The following PRICKLE2 variants were observed in gnomAD, a reference collection of about 807,000 sequenced individuals.
PRICKLE2 encodes prickle-like protein 2.
Under a neutral mutation model 81.4 loss-of-function variants are expected in PRICKLE2, and 21 were observed. The observed-to-expected ratio is 0.26, with a 90% CI of 0.18 to 0.37. PRICKLE2 has a LOEUF of 0.37. PRICKLE2 is among the 10% of genes least tolerant of loss of function. PRICKLE2 has a pLI of 1.00. For synonymous variants in PRICKLE2, 456 were observed against 421.5 expected (o/e 1.08, Z -1.00); for missense variants, 940 against 1,109.0 (o/e 0.85, Z 2.16).
intron 7 of PRICKLE2, among the ~76,000 whole-genome samples, chr3:64,112,870 G>A (rs537852946): frequency 4.6e-5 from 7 of 152,324 alleles, no homozygotes; most frequent in South Asian, 2.1e-4. Flanking sequence ...CTGACTAGAC[G>A]GAGACAAGTG....
intron 1 of PRICKLE2, among the ~76,000 whole-genome samples, chr3:64,218,319 C>T (rs1029406894): frequency 1.3e-5 from 2 of 152,194 alleles, no homozygotes; most frequent in African/African-American, 4.8e-5. Flanking sequence ...ACATCTACTT[C>T]TTATAATCTC....
At chr3:64,154,415 G>C (rs867954586) in intron 5 of PRICKLE2, 1 of 151,860 alleles carries the variant, frequency 6.6e-6, no homozygotes, top group African/African-American at 2.4e-5. Flanking sequence ...GTGTGGTGGC[G>C]GGCACCTGCA....
At chr3:64,169,682 A>C (rs2077897613) in intron 2 of PRICKLE2, among the ~76,000 whole-genome samples, 2 of 152,248 alleles carry the variant, frequency 1.3e-5, no homozygotes, top group African/African-American at 4.8e-5. Flanking sequence ...GTAATCTCAG[A>C]CATGAGCTGA....
chr3:64,162,532 C>A (rs746435671), intron 3 of PRICKLE2, among the ~76,000 whole-genome samples: 1 of 152,158 alleles, frequency 6.6e-6, no homozygotes, highest in Non-Finnish European at 1.5e-5. Context: ...CACAGACGTT[C>A]GAAGCTACAA....
At chr3:64,263,823 T>C (rs2079652737) in intron 2 of PRICKLE2, among the ~76,000 whole-genome samples, 4 of 152,126 alleles carry the variant, frequency 2.6e-5, no homozygotes, top group South Asian at 4.1e-4. Context: ...GTTCAGAACT[T>C]AAAGAACCCA....
chr3:64,188,939 C>T (rs562232342), intron 2 of PRICKLE2, among the ~76,000 whole-genome samples: 1 of 152,264 alleles, frequency 6.6e-6, no homozygotes, highest in South Asian at 2.1e-4. Context: ...TGTTAATAGA[C>T]GTCGGTCTCT....
chr3:64,154,299 G>T (rs547873504), intron 5 of PRICKLE2: 1 of 152,056 alleles, frequency 6.6e-6, no homozygotes, highest in South Asian at 2.1e-4. Context: ...CAGCACTTTG[G>T]GAGGCCGAGG....
At chr3:64,218,652 A>T (rs1187433125) in intron 1 of PRICKLE2, among the ~76,000 whole-genome samples, 4 of 152,158 alleles carry the variant, frequency 2.6e-5, no homozygotes, top group Non-Finnish European at 5.9e-5. Flanking sequence ...TTAAATATTA[A>T]ATATTATTTT....
At chr3:64,159,665 T>A (rs1426645954) in intron 4 of PRICKLE2, among the ~76,000 whole-genome samples, 1 of 152,202 alleles carries the variant, frequency 6.6e-6, no homozygotes, top group African/African-American at 2.4e-5. Flanking sequence ...GTCTTCCCCA[T>A]CAACCTTCCT....
intron 2 of PRICKLE2, among the ~76,000 whole-genome samples, chr3:64,197,249 GA>G (rs1244651823): frequency 2.6e-5 from 4 of 152,168 alleles, no homozygotes; most frequent in Non-Finnish European, 4.4e-5. Context: ...ACAATAGAAT[GA>G]TTTATATTCC....
At chr3:64,159,827 C>G in intron 4 of PRICKLE2, 113 bp downstream of exon 4, 1 of 1,377,146 alleles carries the variant, frequency 7.3e-7, no homozygotes, top group Non-Finnish European at 1.0e-6. Flanking sequence ...GTCTTTTGTT[C>G]ACTACTGTAT....
At chr3:64,191,527 T>C (rs1419288776) in intron 2 of PRICKLE2, among the ~76,000 whole-genome samples, 1 of 152,210 alleles carries the variant, frequency 6.6e-6, no homozygotes, top group African/African-American at 2.4e-5. Context: ...GGGCAAGTTA[T>C]TTAACTCCTC....
At chr3:64,217,014 C>A (rs696022) in intron 1 of PRICKLE2, among the ~76,000 whole-genome samples, 72,175 of 152,072 alleles carry the variant, frequency 0.47, 19,177 homozygotes, top group East Asian at 0.67. Context: ...CTGACTCTTG[C>A]TGGATAAGCT....
chr3:64,249,118 G>T (rs2079403394), intron 2 of PRICKLE2, among the ~76,000 whole-genome samples: 1 of 152,154 alleles, frequency 6.6e-6, no homozygotes, highest in Admixed American at 6.5e-5. Context: ...AAGAAAAGAG[G>T]TTTAATTGGC....
chr3:64,214,691 A>G (rs1436492944), intron 1 of PRICKLE2, among the ~76,000 whole-genome samples: 1 of 152,180 alleles, frequency 6.6e-6, no homozygotes, highest in Non-Finnish European at 1.5e-5. Flanking sequence ...TTGGATTCAC[A>G]TGTCTACAGG....
chr3:64,194,676 C>G (rs2078415104), intron 2 of PRICKLE2, among the ~76,000 whole-genome samples: 1 of 152,188 alleles, frequency 6.6e-6, no homozygotes, highest in African/African-American at 2.4e-5. Context: ...TTAATATTAT[C>G]TACTGTAAAT....
intron 2 of PRICKLE2, among the ~76,000 whole-genome samples, chr3:64,175,456 C>T (rs1385377674): frequency 6.6e-6 from 1 of 152,128 alleles, no homozygotes; most frequent in Non-Finnish European, 1.5e-5. Flanking sequence ...CTTTCTTGGC[C>T]TTATTTGAAT....
intron 7 of PRICKLE2, among the ~76,000 whole-genome samples, chr3:64,115,139 C>T (rs2076914631): frequency 6.6e-6 from 1 of 152,174 alleles, no homozygotes; most frequent in African/African-American, 2.4e-5. Context: ...CCTTTTCAGA[C>T]AAGCAAATGC....
At chr3:64,246,250 A>C (rs1177706983) in intron 2 of PRICKLE2, among the ~76,000 whole-genome samples, 1 of 152,106 alleles carries the variant, frequency 6.6e-6, no homozygotes, top group Non-Finnish European at 1.5e-5. Flanking sequence ...TCAAAAAAAC[A>C]AAAACAAAAA....
Sources: allele counts gnomAD v4.1 joint callset (sites outside exome capture counted in the v4.1 genomes callset), GRCh38; gene constraint gnomAD v4.1.1; transcripts MANE v1.5; gene names NCBI Gene and HGNC (gene_info 2026-07-23, HGNC 2026-07-21).